CRACR2A: variants seen among roughly 807,000 people sequenced by gnomAD.
The protein encoded by CRACR2A is calcium release activated channel regulator 2A.
A neutral mutation model predicts 90.5 loss-of-function variants in CRACR2A; 79 were observed. The ratio of observed to expected loss-of-function variants is 0.87; its 90% CI spans 0.73 to 1.05. CRACR2A has a LOEUF of 1.05. CRACR2A is among the 50% of genes least tolerant of loss of function. The pLI is 0.00. For missense variants in CRACR2A, 823 were observed against 897.2 expected, an observed-to-expected ratio of 0.92 and a Z score of 1.06; for synonymous variants, 338 against 356.7, an observed-to-expected ratio of 0.95 and a Z score of 0.59.
chr12:3,648,020 A>G (rs1400883860), intron 11 of CRACR2A: 1 of 986,064 alleles, frequency 1.0e-6, no homozygotes, highest in Non-Finnish European at 1.2e-6. Flanking sequence ...TTTGTGATTC[A>G]TTTACTCATT....
intron 7 of CRACR2A, among the ~76,000 whole-genome samples, chr12:3,663,638 G>A (rs779923828): frequency 8.5e-5 from 13 of 152,264 alleles, no homozygotes; most frequent in East Asian, 1.9e-4. Flanking sequence ...CAGATGGGCC[G>A]TAATGATCTT....
At chr12:3,644,269 T>A in intron 12 of CRACR2A, among the ~76,000 whole-genome samples, 2 of 151,866 alleles carry the variant, frequency 1.3e-5, no homozygotes, top group Non-Finnish European at 2.9e-5. Context: ...GTGTGAGCAT[T>A]TTGGTTTAGA....
intron 2 of CRACR2A, among the ~76,000 whole-genome samples, chr12:3,716,906 C>A (rs1377463388): frequency 6.6e-6 from 1 of 151,208 alleles, no homozygotes; most frequent in Non-Finnish European, 1.5e-5. Flanking sequence ...GGTGCTAAAA[C>A]AATTTTGAAA....
intron 13 of CRACR2A, chr12:3,640,763 T>C (rs1944551728): frequency 5.4e-6 from 7 of 1,305,414 alleles, no homozygotes; most frequent in Non-Finnish European, 7.1e-6. Context: ...GGGATGCCTC[T>C]ATCTCTCTGT....
chr12:3,731,613 T>C (rs1397180594), intron 2 of CRACR2A: 1 of 152,226 alleles, frequency 6.6e-6, no homozygotes, highest in Non-Finnish European at 1.5e-5. Flanking sequence ...TGAGCTCACT[T>C]AGTGTGGCAG....
chr12:3,707,337 A>G (rs1945942300), intron 3 of CRACR2A, among the ~76,000 whole-genome samples: 1 of 152,220 alleles, frequency 6.6e-6, no homozygotes, highest in Non-Finnish European at 1.5e-5. Flanking sequence ...GGTCTGGACA[A>G]CTATCATTAA....
rs1763718917 is a variant in CRACR2A, at chr12:3,615,407, T to G, written c.2144A>C (p.Glu715Ala). Reference sequence around the variant, plus strand: ...AGGGTGGCCGACCTGAATGGTGTCCTCTCTCACTGTGTCTTCTTGCTCCTT... The same window carrying G: ...AGGGTGGCCGACCTGAATGGTGTCCGCTCTCACTGTGTCTTCTTGCTCCTT... ...FLKEQEDTVR[E>A]DTIQVGHPAK... Residue 715 changes from glutamate (E) to alanine (A), a missense_variant, in exon 20 of 20, where the codon GAG (glutamate) becomes GCG (alanine). Transcript: ENST00000440314. The G allele has an allele frequency of 1.3e-6, 2 of 1,551,276 alleles. No individual in the cohort carries two copies. Among genetic ancestry groups the G allele is most frequent in the Non-Finnish European group, 1.7e-6 (2 of 1,146,762 alleles).
rs111897956 is a variant in CRACR2A, at chr12:3,699,255, G to A, written c.-36-2220C>T. Among the ~76,000 whole-genome samples the A allele has an allele frequency of 8.7e-4, 133 of 152,258 alleles. 1 individual carries two copies. The highest frequency in any genetic ancestry group is 3.2e-3 in the African/African-American group (132 of 41,544). On this transcript the variant is annotated intron_variant, in intron 3 of 19. Transcript: ENST00000440314. Reference sequence around the variant, plus strand: ...AACTGATCTAAATCACCTCCCAGAGGCATATTCATCATTTTAACGGGAACG... The same window carrying A: ...AACTGATCTAAATCACCTCCCAGAGACATATTCATCATTTTAACGGGAACG...
chr12:3,747,058 CAT>C (rs370495258), intron 1 of CRACR2A, among the ~76,000 whole-genome samples: 2 of 152,228 alleles, frequency 1.3e-5, no homozygotes, highest in Admixed American at 6.5e-5. Context: ...ATCCCAAAGA[CAT>C]ATGACTGGTT....
At chr12:3,682,688 CTCT>C (rs1459302727) in intron 4 of CRACR2A, among the ~76,000 whole-genome samples, 1 of 152,150 alleles carries the variant, frequency 6.6e-6, no homozygotes, top group African/African-American at 2.4e-5. Flanking sequence ...CCATAATTAT[CTCT>C]TATTTATCGC....
rs539622743 is a variant in CRACR2A at position 3,711,086 on chromosome 12, C to T, written c.-37+2151G>A. On this transcript the variant is annotated intron_variant, in intron 3 of 19. Coordinates refer to ENST00000440314, the MANE Select transcript of CRACR2A (RefSeq NM_001144958.2). The surrounding 1 kb of genome is among the most constrained non-coding windows in gnomAD (Gnocchi z 4.3). ...AGCATAAACTCAAAGGCAGAAAGTC[C>T]AAAATCTCATGTAAATATCATGTAA... is the stretch of plus-strand genomic sequence containing the variant. Among the ~76,000 whole-genome samples, 166 of 152,242 alleles carry T rather than the reference C, an allele frequency of 1.1e-3. No individual in the cohort carries two copies. The Middle Eastern group carries it at 0.014, about 12-fold the overall frequency.
intron 2 of CRACR2A, among the ~76,000 whole-genome samples, chr12:3,722,019 G>GA (rs1416624377): frequency 5.3e-5 from 8 of 152,134 alleles, no homozygotes; most frequent in African/African-American, 1.7e-4. Flanking sequence ...GTGTTTCAAT[G>GA]GCCTTTTGTG....
chr12:3,704,394 AG>A (rs1429724618), intron 3 of CRACR2A, among the ~76,000 whole-genome samples: 2 of 152,192 alleles, frequency 1.3e-5, no homozygotes, highest in African/African-American at 4.8e-5. Flanking sequence ...GGGATTACCA[AG>A]GGGCAACAGG....
intron 7 of CRACR2A, among the ~76,000 whole-genome samples, chr12:3,663,509 A>G (rs1197342998): frequency 6.6e-6 from 1 of 152,198 alleles, no homozygotes; most frequent in Non-Finnish European, 1.5e-5. Flanking sequence ...CATGTATTTC[A>G]GAATGGCATC....
At chr12:3,725,829 GCAC>G in intron 2 of CRACR2A, 1 of 152,324 alleles carries the variant, frequency 6.6e-6, no homozygotes, top group African/African-American at 2.4e-5. Flanking sequence ...GGGGCAAGGA[GCAC>G]CACATCTCCC....
At chr12:3,661,452 G>A (rs11062754) in intron 7 of CRACR2A, among the ~76,000 whole-genome samples, 41,241 of 152,088 alleles carry the variant, frequency 0.27, 6,447 homozygotes, top group East Asian at 0.41. Context: ...TCCACAAGCT[G>A]GGACCCCGTC....
rs1475320135 is a variant in CRACR2A at position 3,633,269 on chromosome 12, G to C, written c.1735+335C>G. Among the ~76,000 whole-genome samples the C allele has an allele frequency of 6.6e-6, 1 of 152,116 alleles. No homozygotes were observed. Among genetic ancestry groups the C allele is most frequent in the African/African-American group, 2.4e-5 (1 of 41,416 alleles). On this transcript the variant is annotated intron_variant, in intron 15 of 19. Transcript: ENST00000440314. This position sits in a 1 kb window ranked among gnomAD's most constrained non-coding sequence, Gnocchi z 4.5. The stretch of plus-strand genomic sequence containing the variant: ...CCAGGACCCTGCTGACAGTGGGGAG[G>C]AGTGGTCAAAAGGAGGGGGTACTCA...
chr12:3,738,588 T>C (rs1258083132), intron 1 of CRACR2A, among the ~76,000 whole-genome samples: 6 of 151,826 alleles, frequency 4.0e-5, no homozygotes, highest in Non-Finnish European at 8.8e-5. Flanking sequence ...TTAACCAAAA[T>C]GCAGCACAAA....
At chr12:3,701,772 G>A (rs936978869) in intron 3 of CRACR2A, among the ~76,000 whole-genome samples, 5 of 151,992 alleles carry the variant, frequency 3.3e-5, no homozygotes, top group Admixed American at 2.0e-4. Context: ...ATTCTATACC[G>A]ACTCTTTCAG....
Sources: gnomAD v4.1 joint callset for allele counts (sites outside exome capture counted in the v4.1 genomes callset) on GRCh38, gnomAD v4.1.1 for gene constraint, Gnocchi (gnomAD v3.1) non-coding constraint, MANE v1.5 for transcripts, NCBI Gene and HGNC (gene_info 2026-07-23, HGNC 2026-07-21) for gene names.